RAP1GAP2: variants seen among roughly 807,000 people sequenced by gnomAD.
The protein encoded by RAP1GAP2 is rap1 GTPase-activating protein 2.
Under a neutral mutation model 95.0 loss-of-function variants are expected in RAP1GAP2, and 27 were observed. The ratio of observed to expected loss-of-function variants is 0.28; its 90% CI spans 0.21 to 0.39. RAP1GAP2 has a LOEUF of 0.39. RAP1GAP2 is among the 10% of genes least tolerant of loss of function. RAP1GAP2 has a pLI of 1.00. For synonymous variants in RAP1GAP2, 373 were observed against 380.9 expected (o/e 0.98, Z 0.24); for missense variants, 771 against 970.0 (o/e 0.79, Z 2.72).
rs944904778 is a variant in RAP1GAP2 at position 2,905,314 on chromosome 17, G to A, written c.111G>A (p.Ala37=). Residue 37 remains alanine, a synonymous_variant, in exon 3 of 25, where the codon GCG becomes GCA. Coordinates refer to ENST00000254695, the MANE Select transcript of RAP1GAP2 (RefSeq NM_015085.5). ...KKQELANSSD[A]TLPDRPLSPP... ...AGGAGCTGGCCAACAGCTCGGATGC[G>A]ACCCTCCCAGACCGGCCGCTCTCCC... 2.1e-5 allele frequency: 34 copies of A among 1,613,604 alleles called. No individual in the cohort carries two copies. Among genetic ancestry groups the A allele is most frequent in the African/African-American group, 2.7e-5 (2 of 74,904 alleles).
intron 8 of RAP1GAP2, among the ~76,000 whole-genome samples, chr17:2,971,198 C>T (rs776933310): frequency 6.6e-6 from 1 of 152,062 alleles, no homozygotes; most frequent in Non-Finnish European, 1.5e-5. Context: ...TATTCACTTA[C>T]AATTTGATGA....
rs558685775 is a variant in RAP1GAP2 at position 2,846,513 on chromosome 17, T to A, written c.80+45963T>A. ...GCAACCTCCGCCTCCCAGGTTCAAG[T>A]GATTCTCCTGCCTTAGCCTCCCGAG... On this transcript the variant is annotated intron_variant, in intron 2 of 24. Coordinates refer to ENST00000254695, the MANE Select transcript of RAP1GAP2 (RefSeq NM_015085.5). Among the ~76,000 whole-genome samples, 57 of 151,668 alleles carry A rather than the reference T, an allele frequency of 3.8e-4. No individual in the cohort carries two copies. In the South Asian group the frequency reaches 4.8e-3, roughly 13 times the overall value.
chr17:2,876,972 T>A (rs1004535696), intron 2 of RAP1GAP2, among the ~76,000 whole-genome samples: 1 of 143,510 alleles, frequency 7.0e-6, no homozygotes, highest in Non-Finnish European at 1.5e-5. Context: ...CACCGCAACC[T>A]CCACCTCCCG....
At chr17:2,972,105 A>G (rs373651098) in intron 8 of RAP1GAP2, among the ~76,000 whole-genome samples, 3 of 152,224 alleles carry the variant, frequency 2.0e-5, no homozygotes, top group African/African-American at 7.2e-5. Flanking sequence ...CCTTTCTAGG[A>G]AAGTATGCCA....
chr17:2,848,703 G>A (rs547186509), intron 2 of RAP1GAP2, among the ~76,000 whole-genome samples: 299 of 152,014 alleles, frequency 2.0e-3, no homozygotes, highest in Non-Finnish European at 3.3e-3. Context: ...TAGTAGAGAC[G>A]GGGTTTCACC....
intron 11 of RAP1GAP2, 27 bp from the exon 12 acceptor site, chr17:2,991,270 C>A: frequency 6.6e-7 from 1 of 1,526,538 alleles, no homozygotes; most frequent in Non-Finnish European, 9.0e-7. Context: ...TTTCTAATTC[C>A]TGCCCTTATT....
chr17:2,809,990 C>T (rs1376955683), intron 2 of RAP1GAP2, among the ~76,000 whole-genome samples: 1 of 150,662 alleles, frequency 6.6e-6, no homozygotes, highest in Non-Finnish European at 1.5e-5. Context: ...TAGGGGCTGT[C>T]AGTGGCCCCT....
intron 1 of RAP1GAP2, among the ~76,000 whole-genome samples, chr17:2,782,248 C>T (rs2068679325): frequency 6.6e-6 from 1 of 152,222 alleles, no homozygotes; most frequent in African/African-American, 2.4e-5. Context: ...CTGGGCAGGG[C>T]CTGAAGAGGG....
chr17:2,890,557 C>T (rs150152922), intron 2 of RAP1GAP2, among the ~76,000 whole-genome samples: 1 of 152,240 alleles, frequency 6.6e-6, no homozygotes, highest in East Asian at 1.9e-4. Flanking sequence ...CTGTGCTGGG[C>T]ACTGTGAGAC....
At chr17:2,921,900 T>C (rs2042794642) in intron 3 of RAP1GAP2, among the ~76,000 whole-genome samples, 1 of 152,172 alleles carries the variant, frequency 6.6e-6, no homozygotes. Flanking sequence ...CCTCCTCTTC[T>C]CCCTGGGGGT....
intron 2 of RAP1GAP2, among the ~76,000 whole-genome samples, chr17:2,889,891 T>TATATATA (rs1490272485): frequency 3.4e-3 from 157 of 46,612 alleles, no homozygotes; most frequent in Middle Eastern, 0.011. Flanking sequence ...ATATATATAT[T>TATATATA]TTTTTTTTTT....
intron 3 of RAP1GAP2, among the ~76,000 whole-genome samples, chr17:2,931,203 G>T (rs1204073239): frequency 2.6e-5 from 4 of 151,928 alleles, no homozygotes; most frequent in African/African-American, 9.7e-5. Flanking sequence ...TGTGCAGCTG[G>T]GTCATGGTCC....
At chr17:2,814,218 T>C (rs1206890370) in intron 2 of RAP1GAP2, among the ~76,000 whole-genome samples, 6 of 152,108 alleles carry the variant, frequency 3.9e-5, no homozygotes, top group African/African-American at 1.4e-4. Context: ...ACCAGCTGGG[T>C]GACCTTGGAC....
At chr17:2,786,942 C>T (rs1259075814) in intron 1 of RAP1GAP2, among the ~76,000 whole-genome samples, 1 of 145,114 alleles carries the variant, frequency 6.9e-6, no homozygotes, top group African/African-American at 2.5e-5. Flanking sequence ...CCATCGCTCC[C>T]AGCCTTTTTT....
intron 14 of RAP1GAP2, among the ~76,000 whole-genome samples, chr17:2,999,180 C>A (rs973559797): frequency 1.3e-5 from 2 of 152,216 alleles, no homozygotes; most frequent in African/African-American, 4.8e-5. Flanking sequence ...CCTGCAGTCC[C>A]CCGCTCCCCA....
rs541677167 is a variant in RAP1GAP2, at chr17:3,004,738, C to T, written c.1201-631C>T. ...CCAGGGCTCCCGAACACGGGTCCAC[C>T]GGCTGCACGAGAGTTTCCGGGGGGC... On this transcript the variant is annotated intron_variant, in intron 14 of 24. Coordinates refer to ENST00000254695, the MANE Select transcript of RAP1GAP2 (RefSeq NM_015085.5). This position sits in a 1 kb window ranked among gnomAD's most constrained non-coding sequence, Gnocchi z 4.1. 5.4e-4 allele frequency among the ~76,000 whole-genome samples: 82 copies of T among 152,370 alleles called. No homozygotes were observed. Among genetic ancestry groups the T allele is most frequent in the African/African-American group, 1.7e-3 (72 of 41,598 alleles).
intron 11 of RAP1GAP2, among the ~76,000 whole-genome samples, chr17:2,986,926 A>G (rs929473536): frequency 2.6e-5 from 4 of 152,228 alleles, no homozygotes; most frequent in African/African-American, 9.6e-5. Context: ...GGCAAGTAGG[A>G]CATGTGGCTA....
chr17:2,776,801 G>T (rs952105207), upstream of RAP1GAP2, among the ~76,000 whole-genome samples: 1 of 150,506 alleles, frequency 6.6e-6, no homozygotes, highest in Admixed American at 6.6e-5. Flanking sequence ...CGGCAGGACT[G>T]CTGCGAGGGA....
intron 3 of RAP1GAP2, among the ~76,000 whole-genome samples, chr17:2,924,935 C>T (rs147461943): frequency 1.8e-3 from 271 of 152,314 alleles, no homozygotes; most frequent in Non-Finnish European, 3.1e-3. Flanking sequence ...CATCTCATCT[C>T]AGAGATGCCA....
Sources: allele counts gnomAD v4.1 joint callset (sites outside exome capture counted in the v4.1 genomes callset), GRCh38; gene constraint gnomAD v4.1.1; non-coding constraint Gnocchi (gnomAD v3.1); transcripts MANE v1.5; gene names NCBI Gene and HGNC (gene_info 2026-07-23, HGNC 2026-07-21).